The following CTNNBL1 variants were observed in gnomAD, a reference collection of about 807,000 sequenced individuals.
CTNNBL1 encodes the protein catenin beta like 1.
Under a neutral mutation model 72.7 loss-of-function variants are expected in CTNNBL1, and 31 were observed. The ratio of observed to expected loss-of-function variants is 0.43; its 90% CI spans 0.32 to 0.58. The LOEUF (loss-of-function observed/expected upper bound fraction) is 0.58, where lower values mean the gene tolerates loss of function less well. Among genes scored for constraint, CTNNBL1 ranks in the 20% least tolerant of loss-of-function variants. The pLI, the probability that CTNNBL1 is intolerant of heterozygous loss-of-function variation, is 0.08. For missense variants in CTNNBL1, 534 were observed against 725.1 expected, an observed-to-expected ratio of 0.74 and a Z score of 3.03; for synonymous variants, 240 against 267.3, an observed-to-expected ratio of 0.90 and a Z score of 1.00.
At chr20:37,815,337 G>A (rs2072047025) in intron 11 of CTNNBL1, among the ~76,000 whole-genome samples, 1 of 146,544 alleles carries the variant, frequency 6.8e-6, no homozygotes, top group South Asian at 2.2e-4. Flanking sequence ...TTTTTTCTGA[G>A]ATGGAGTTGC....
chr20:37,727,321 C>T lies in CTNNBL1; in HGVS notation c.31-5558C>T, dbSNP rs548977759. ...TTTCAGGGGCATGGATGGAGACACG[C>T]ACACACACAGGCAATAGGCCTCAAG... On this transcript the variant is annotated intron_variant, in intron 1 of 15. Coordinates refer to ENST00000361383, the MANE Select transcript of CTNNBL1 (RefSeq NM_030877.5). The T allele has an allele frequency of 5.1e-6, 5 of 983,626 alleles. No homozygotes were observed. The African/African-American group carries it at 8.7e-5, about 17-fold the overall frequency. 60.9% of individuals were successfully genotyped at this position (983,626 alleles called of 1,614,324 possible). A position where few individuals can be genotyped will look rare whatever the true frequency, so the allele number is the denominator to read the frequency against.
chr20:37,840,664 C>T (rs903901440), intron 12 of CTNNBL1, among the ~76,000 whole-genome samples: 2 of 152,178 alleles, frequency 1.3e-5, no homozygotes, highest in Admixed American at 1.3e-4. Context: ...TAAGGTCTTA[C>T]TAAGGTGGTG....
At chr20:37,806,996 G>A (rs1425599256) in intron 11 of CTNNBL1, among the ~76,000 whole-genome samples, 1 of 151,992 alleles carries the variant, frequency 6.6e-6, no homozygotes, top group African/African-American at 2.4e-5. Flanking sequence ...ATCTATTTTG[G>A]TCCCTCAGAT....
At chr20:37,788,960 G>A (rs913422304) in intron 10 of CTNNBL1, among the ~76,000 whole-genome samples, 2 of 152,146 alleles carry the variant, frequency 1.3e-5, no homozygotes, top group Non-Finnish European at 2.9e-5. Context: ...GAATCAATAA[G>A]AAGAAAAGCT....
At chr20:37,718,580 G>A (rs898816357) in intron 1 of CTNNBL1, among the ~76,000 whole-genome samples, 1 of 151,376 alleles carries the variant, frequency 6.6e-6, no homozygotes, top group African/African-American at 2.4e-5. Flanking sequence ...CGGATGGCCG[G>A]GCGGGGGGCT....
intron 15 of CTNNBL1, among the ~76,000 whole-genome samples, chr20:37,865,767 G>A (rs1025723497): frequency 5.9e-5 from 9 of 152,244 alleles, no homozygotes; most frequent in African/African-American, 2.2e-4. Context: ...ATGCCCAGGA[G>A]CAGCCATGGC....
intron 1 of CTNNBL1, among the ~76,000 whole-genome samples, chr20:37,705,858 G>C (rs1343815117): frequency 2.6e-5 from 4 of 152,158 alleles, no homozygotes; most frequent in African/African-American, 9.7e-5. Flanking sequence ...TAGGAATTCT[G>C]ATACTGCTTT....
At position 37,736,288 on chromosome 20, in the gene CTNNBL1, G is replaced by C. The variant is rs6126027; in HGVS notation, c.220-1090G>C. Among the ~76,000 whole-genome samples, 429 of 152,290 alleles carry C rather than the reference G, an allele frequency of 2.8e-3. 5 individuals are homozygous for C. Among genetic ancestry groups the C allele is most frequent in the East Asian group, 0.017 (89 of 5,174 alleles). Reference sequence around the variant, plus strand: ...AACCGTTCTTAGTTTACGCACTGTGGAAAAACAGGCAGTAGGTTGGATTTG... The same window carrying C: ...AACCGTTCTTAGTTTACGCACTGTGCAAAAACAGGCAGTAGGTTGGATTTG... On this transcript the variant is annotated intron_variant, in intron 2 of 15. Coordinates refer to ENST00000361383, the MANE Select transcript of CTNNBL1 (RefSeq NM_030877.5).
chr20:37,761,568 A>G (rs942618900), intron 5 of CTNNBL1, among the ~76,000 whole-genome samples: 4 of 152,176 alleles, frequency 2.6e-5, no homozygotes, highest in Non-Finnish European at 5.9e-5. Flanking sequence ...TCATTTGTTC[A>G]CTAAATGTTT....
At chr20:37,838,131 C>G (rs1375527885) in intron 11 of CTNNBL1, among the ~76,000 whole-genome samples, 1 of 152,196 alleles carries the variant, frequency 6.6e-6, no homozygotes, top group African/African-American at 2.4e-5. Context: ...GCGGAGGAAA[C>G]AGCAAGTGCA....
At chr20:37,763,369 T>C (rs1254643741) in intron 5 of CTNNBL1, among the ~76,000 whole-genome samples, 1 of 152,226 alleles carries the variant, frequency 6.6e-6, no homozygotes, top group Non-Finnish European at 1.5e-5. Flanking sequence ...AGCACTTTCC[T>C]GTATTTACAG....
intron 10 of CTNNBL1, among the ~76,000 whole-genome samples, chr20:37,782,102 A>G (rs1242611173): frequency 6.6e-6 from 1 of 152,184 alleles, no homozygotes; most frequent in Non-Finnish European, 1.5e-5. Flanking sequence ...TACAGTTGCA[A>G]AACACTGCTA....
Position 37,766,750 on chromosome 20 carries a change from G to T in CTNNBL1, c.659-1203G>T, listed in dbSNP as rs114132307. Among the ~76,000 whole-genome samples, 1,334 of 152,304 alleles carry T rather than the reference G, an allele frequency of 8.8e-3. 20 individuals carry two copies. The highest frequency in any genetic ancestry group is 0.031 in the African/African-American group (1,277 of 41,554). ...TAGAAATGGCCTGTGACAGTCAGAG[G>T]TGGGAGATGGAACTGGAGGAATAAG... On this transcript the variant is annotated intron_variant, in intron 6 of 15. Transcript: ENST00000361383.
rs375145301 is a variant in CTNNBL1, at chr20:37,779,260, C to G, written c.956C>G (p.Ser319Cys). ...GAGAATCTGTTTGATTCCCTCTGCT[C>G]CTGTCTAATGCTTAGTTCCAATCGT... is the stretch of plus-strand genomic sequence containing the variant. ...MMENLFDSLC[S>C]CLMLSSNRER... is the part of the protein sequence containing the mutation. The change falls in exon 10 of 16, where the codon TCC becomes TGC. Residue 319 changes from serine to cysteine, a missense_variant. By Grantham distance (112) the Ser-to-Cys change is moderately radical. Transcript: ENST00000361383. 2.8e-5 allele frequency: 45 copies of G among 1,613,662 alleles called. No homozygotes were observed. The highest frequency in any genetic ancestry group is 3.8e-5 in the Non-Finnish European group (45 of 1,179,748).
intron 3 of CTNNBL1, among the ~76,000 whole-genome samples, chr20:37,743,746 A>G (rs1266226593): frequency 1.3e-5 from 2 of 152,200 alleles, no homozygotes; most frequent in Non-Finnish European, 2.9e-5. Context: ...AGATTATAGT[A>G]TTGGAGCACT....
intron 10 of CTNNBL1, among the ~76,000 whole-genome samples, chr20:37,799,620 T>G (rs770586561): frequency 2.9e-4 from 44 of 152,242 alleles, no homozygotes; most frequent in Admixed American, 1.3e-3. Flanking sequence ...TTCCATTGCT[T>G]CAGACTTTTG....
intron 13 of CTNNBL1, among the ~76,000 whole-genome samples, chr20:37,845,733 T>C (rs1256893266): frequency 6.6e-6 from 1 of 152,214 alleles, no homozygotes; most frequent in African/African-American, 2.4e-5. Flanking sequence ...CCCATTAAAT[T>C]TGAATGTCCT....
chr20:37,756,281 C>A (rs967626384), intron 4 of CTNNBL1: 3 of 152,204 alleles, frequency 2.0e-5, no homozygotes, highest in African/African-American at 7.2e-5. Flanking sequence ...CTATCTTTCT[C>A]ATTTTACAGA....
At chr20:37,755,511 T>A (rs2073356182) in intron 4 of CTNNBL1, among the ~76,000 whole-genome samples, 1 of 152,172 alleles carries the variant, frequency 6.6e-6, no homozygotes, top group South Asian at 2.1e-4. Context: ...CATATTAAGT[T>A]TTGGGTAAAT....
Sources: gnomAD v4.1 joint callset for allele counts (sites outside exome capture counted in the v4.1 genomes callset) on GRCh38, gnomAD v4.1.1 for gene constraint, MANE v1.5 for transcripts, NCBI Gene and HGNC (gene_info 2026-07-23, HGNC 2026-07-21) for gene names.